Variants in NRG1 observed in about 807,000 individuals in gnomAD.
The protein encoded by NRG1 is neuregulin 1, also known as pro-neuregulin-1, membrane-bound isoform.
NRG1 carries 18 observed loss-of-function variants against 63.8 expected under a neutral mutation model. The observed-to-expected ratio is 0.28, with a 90% confidence interval of 0.19 to 0.42. The LOEUF (loss-of-function observed/expected upper bound fraction) is 0.42, where lower values mean the gene tolerates loss of function less well. Ranked by LOEUF, NRG1 falls within the 10% of genes least tolerant of loss-of-function variation. NRG1 has a pLI of 1.00. For synonymous variants in NRG1, 302 were observed against 301.3 expected (o/e 1.00, Z -0.02); for missense variants, 762 against 814.7 (o/e 0.94, Z 0.79).
chr8:32,298,794 C>T (rs948878302), intron 1 of NRG1, among the ~76,000 whole-genome samples: 9 of 150,722 alleles, frequency 6.0e-5, no homozygotes, highest in African/African-American at 2.2e-4. Flanking sequence ...TTTGGGAGGC[C>T]AAGGCGGGCG....
chr8:31,661,908 T>G (rs1193145165), intron 1 of NRG1, among the ~76,000 whole-genome samples: 1 of 152,232 alleles, frequency 6.6e-6, no homozygotes, highest in Non-Finnish European at 1.5e-5. Context: ...CTCGCCAATA[T>G]GGTGCATATT....
At chr8:32,013,603 G>T (rs1815073749) in intron 1 of NRG1, among the ~76,000 whole-genome samples, 1 of 152,024 alleles carries the variant, frequency 6.6e-6, no homozygotes, top group African/African-American at 2.4e-5. Flanking sequence ...CCAGATTCCA[G>T]CATCAGATCC....
At chr8:31,731,285 G>A (rs1362536398) in intron 1 of NRG1, among the ~76,000 whole-genome samples, 2 of 152,078 alleles carry the variant, frequency 1.3e-5, no homozygotes, top group Non-Finnish European at 2.9e-5. Context: ...AAGTCCACAT[G>A]TCCAACTGAA....
At chr8:32,505,756 A>G (rs1828444278) in intron 1 of NRG1, among the ~76,000 whole-genome samples, 1 of 152,222 alleles carries the variant, frequency 6.6e-6, no homozygotes, top group Admixed American at 6.5e-5. Flanking sequence ...CAATACGGAG[A>G]TGGGACTTTT....
At chr8:31,654,034 T>A (rs557238066) in intron 1 of NRG1, among the ~76,000 whole-genome samples, 14 of 152,232 alleles carry the variant, frequency 9.2e-5, no homozygotes, top group African/African-American at 3.4e-4. Context: ...AGGTTAAACC[T>A]GCCTGGTGTA....
At chr8:32,451,989 C>A (rs941502594) in intron 1 of NRG1, among the ~76,000 whole-genome samples, 12 of 152,074 alleles carry the variant, frequency 7.9e-5, no homozygotes, top group Non-Finnish European at 1.0e-4. Context: ...CCACGCCCCA[C>A]TACTTTTTTG....
intron 1 of NRG1, among the ~76,000 whole-genome samples, chr8:32,541,697 T>C (rs1233391676): frequency 6.6e-6 from 1 of 152,150 alleles, no homozygotes; most frequent in Non-Finnish European, 1.5e-5. Flanking sequence ...GAGGTTCTTG[T>C]GGGATCACTC....
At chr8:32,358,389 A>C (rs984261727) in intron 1 of NRG1, among the ~76,000 whole-genome samples, 6 of 142,320 alleles carry the variant, frequency 4.2e-5, no homozygotes, top group African/African-American at 7.8e-5. Flanking sequence ...AAAAAAAAAA[A>C]AACCATGGGA....
intron 1 of NRG1, among the ~76,000 whole-genome samples, chr8:31,680,348 G>A (rs923785090): frequency 7.0e-6 from 1 of 143,256 alleles, no homozygotes; most frequent in Non-Finnish European, 1.5e-5. Context: ...GTGTCCATGT[G>A]TTCTCATTGT....
intron 1 of NRG1, among the ~76,000 whole-genome samples, chr8:32,425,098 C>T (rs1460271500): frequency 3.3e-5 from 5 of 152,110 alleles, no homozygotes; most frequent in Non-Finnish European, 5.9e-5. Flanking sequence ...AGCATTTCTC[C>T]AACCCATCTT....
At chr8:32,771,184 C>A (rs868346650), downstream of NRG1, among the ~76,000 whole-genome samples, 22 of 151,858 alleles carry the variant, frequency 1.4e-4, no homozygotes, top group Middle Eastern at 0.01. Flanking sequence ...AATTTTAGCT[C>A]ACTGCAACCT....
intron 1 of NRG1, among the ~76,000 whole-genome samples, chr8:32,049,880 T>C (rs957606057): frequency 6.6e-6 from 1 of 152,134 alleles, no homozygotes; most frequent in African/African-American, 2.4e-5. Flanking sequence ...CTGAGCCTTC[T>C]CAGTGCTATG....
chr8:32,323,177 C>T (rs763265222), intron 1 of NRG1, among the ~76,000 whole-genome samples: 3 of 152,140 alleles, frequency 2.0e-5, no homozygotes, highest in Admixed American at 1.3e-4. Flanking sequence ...TCCCTTCCCT[C>T]ATTCATTGTT....
intron 1 of NRG1, among the ~76,000 whole-genome samples, chr8:32,059,941 T>C (rs755042186): frequency 2.0e-5 from 3 of 151,968 alleles, no homozygotes; most frequent in Non-Finnish European, 4.4e-5. Flanking sequence ...CTTTATACTT[T>C]AGTCAAATTA....
intron 1 of NRG1, among the ~76,000 whole-genome samples, chr8:31,982,621 C>T (rs549025790): frequency 6.6e-6 from 1 of 152,040 alleles, no homozygotes; most frequent in South Asian, 2.1e-4. Flanking sequence ...AGGTAGGGGC[C>T]AAATTATGAA....
chr8:31,678,402 A>C (rs975810603), intron 1 of NRG1, among the ~76,000 whole-genome samples: 1 of 152,120 alleles, frequency 6.6e-6, no homozygotes, highest in South Asian at 2.1e-4. Flanking sequence ...ACTTATTAAC[A>C]ATCTGTGAAC....
At chr8:32,202,785 T>A (rs113526483) in intron 1 of NRG1, among the ~76,000 whole-genome samples, 39 of 151,348 alleles carry the variant, frequency 2.6e-4, no homozygotes, top group African/African-American at 8.2e-4. Flanking sequence ...TTCCCTCCTC[T>A]GCTGCACTGC....
rs748386612 is a variant in NRG1, at chr8:32,760,702, A to C, written c.1259+296A>C. On this transcript the variant is annotated intron_variant, in intron 11 of 11. Transcript: ENST00000356819. ...CAGCTCTGGCCATGGGCTCAGACCC[A>C]CTCGGGGTCTCAGTGTCCTCAGTTG... 3 of 1,169,480 alleles carry C rather than the reference A, an allele frequency of 2.6e-6. No individual in the cohort carries two copies. The African/African-American group carries it at 4.7e-5, about 18-fold the overall frequency. 72.4% of individuals were successfully genotyped at this position (1,169,480 alleles called of 1,614,324 possible). A position where few individuals can be genotyped will look rare whatever the true frequency, so the allele number is the denominator to read the frequency against.
At chr8:31,996,068 T>C (rs905493547) in intron 1 of NRG1, among the ~76,000 whole-genome samples, 1 of 151,804 alleles carries the variant, frequency 6.6e-6, no homozygotes, top group African/African-American at 2.4e-5. Flanking sequence ...TCATCAAGTA[T>C]GCAGTCCTTT....
Sources: gnomAD v4.1 joint callset for allele counts (sites outside exome capture counted in the v4.1 genomes callset) on GRCh38, gnomAD v4.1.1 for gene constraint, MANE v1.5 for transcripts, NCBI Gene and HGNC (gene_info 2026-07-23, HGNC 2026-07-21) for gene names.